Variants in OR4K17 observed in about 807,000 individuals in gnomAD.
OR4K17 encodes the protein olfactory receptor 4K17.
For missense variants in OR4K17, 480 were observed against 366.3 expected (o/e 1.31, Z -2.53); for synonymous variants, 157 against 132.8 (o/e 1.18, Z -1.25).
Position 20,117,585 on chromosome 14 carries a change from C to T in OR4K17, c.86C>T (p.Ala29Val). 1 of 1,613,918 alleles carries T rather than the reference C, an allele frequency of 6.2e-7. No individual in the cohort carries two copies. Among genetic ancestry groups the T allele is most frequent in the Non-Finnish European group, 8.5e-7 (1 of 1,179,940 alleles). The change falls in exon 2 of 2, where the codon GCC becomes GTC. Residue 29 changes from alanine (A) to valine (V), a missense_variant. Physicochemically the swap from Ala to Val is moderately conservative, Grantham distance 64. Coordinates refer to ENST00000641386, the MANE Select transcript of OR4K17 (RefSeq NM_001004715.5). ...CAGGATGTAGAGTTTCTTCTCTTTG[C>T]CCTCTTCTCGGTTATCTATGTGGTC... ...SSQDVEFLLF[A>V]LFSVIYVVTV...
chr14:20,120,484 C>G lies in OR4K17; in HGVS notation c.*2046C>G, dbSNP rs1878138288. 6.6e-6 allele frequency: 1 copy of G among 152,126 alleles called. No homozygotes were observed. Among genetic ancestry groups the G allele is most frequent in the Admixed American group, 6.6e-5 (1 of 15,262 alleles). The allele number at this position is 152,126 out of a possible 1,614,324, so 9.4% of individuals were successfully genotyped here. A position where few individuals can be genotyped will look rare whatever the true frequency, so the allele number is the denominator to read the frequency against. Reference sequence around the variant, plus strand: ...GGTAAATGAACTCTAGTCCTAGAACCAAGATGGTTTTCTTGTGTGACTGTG... The same window carrying G: ...GGTAAATGAACTCTAGTCCTAGAACGAAGATGGTTTTCTTGTGTGACTGTG... On this transcript the variant is annotated 3_prime_UTR_variant, in exon 2 of 2. Coordinates refer to ENST00000641386, the MANE Select transcript of OR4K17 (RefSeq NM_001004715.5).
intron 1 of OR4K17, among the ~76,000 whole-genome samples, chr14:20,113,712 C>G (rs1419873254): frequency 6.6e-6 from 1 of 151,938 alleles, no homozygotes; most frequent in Non-Finnish European, 1.5e-5. Flanking sequence ...TGTCTTCCAG[C>G]CAACCCTGCT....
At chr14:20,114,810 C>G (rs1877952616) in intron 1 of OR4K17, among the ~76,000 whole-genome samples, 1 of 152,088 alleles carries the variant, frequency 6.6e-6, no homozygotes, top group Non-Finnish European at 1.5e-5. Flanking sequence ...ATCACTATCA[C>G]AGCTATCTTT....
rs569582853 is a variant in OR4K17, at chr14:20,121,941, T to C, written c.*3503T>C. 78 of 152,252 alleles carry C rather than the reference T, an allele frequency of 5.1e-4. No individual in the cohort carries two copies. Among genetic ancestry groups the C allele is most frequent in the African/African-American group, 1.8e-3 (76 of 41,584 alleles). 9.4% of individuals were successfully genotyped at this position (152,252 alleles called of 1,614,324 possible). A position where few individuals can be genotyped will look rare whatever the true frequency, so the allele number is the denominator to read the frequency against. ...ACAACTATTTACATTTTATTTGATATTATAAGTTATCTAGAGTTGGTATAA... is the reference window on the plus strand; with the variant it reads ...ACAACTATTTACATTTTATTTGATACTATAAGTTATCTAGAGTTGGTATAA... On this transcript the variant is annotated 3_prime_UTR_variant, in exon 2 of 2. Coordinates refer to ENST00000641386, the MANE Select transcript of OR4K17 (RefSeq NM_001004715.5).
Position 20,118,521 on chromosome 14 carries a change from G to T in OR4K17, c.*83G>T, listed in dbSNP as rs897897331. On this transcript the variant is annotated 3_prime_UTR_variant, in exon 2 of 2. Coordinates refer to ENST00000641386, the MANE Select transcript of OR4K17 (RefSeq NM_001004715.5). ...TTTGGGAGGAATATCAGGGGAACCA[G>T]CCCCCAATATTTCAACATAGGTTCT... 1.7e-5 allele frequency: 13 copies of T among 747,116 alleles called. No individual in the cohort carries two copies. Among genetic ancestry groups the T allele is most frequent in the Non-Finnish European group, 2.6e-5 (12 of 461,620 alleles). 46.3% of individuals were successfully genotyped at this position (747,116 alleles called of 1,614,324 possible).
chr14:20,112,283 G>A (rs1388082423), intron 1 of OR4K17, among the ~76,000 whole-genome samples: 1 of 152,040 alleles, frequency 6.6e-6, no homozygotes, highest in Non-Finnish European at 1.5e-5. Context: ...GAATCTGACA[G>A]CACAGTCAAT....
In OR4K17 at chr14:20,117,674, A is replaced by G. The variant is rs777677316; in HGVS notation, c.175A>G (p.Met59Val). The change falls in exon 2 of 2, where the codon ATG (methionine) becomes GTG (valine). Residue 59 changes from methionine (M) to valine (V), a missense_variant. Coordinates refer to ENST00000641386, the MANE Select transcript of OR4K17 (RefSeq NM_001004715.5). Reference sequence around the variant, plus strand: ...TAACACCCCTAACCTGAATACTCCCATGTATTTTCTCCTTGGTAATCTCTC... The same window carrying G: ...TAACACCCCTAACCTGAATACTCCCGTGTATTTTCTCCTTGGTAATCTCTC... Reference protein sequence around the residue: ...VFNTPNLNTPMYFLLGNLSFV... With the variant: ...VFNTPNLNTPVYFLLGNLSFV... 6 of 1,613,864 alleles carry G rather than the reference A, an allele frequency of 3.7e-6. No individual in the cohort carries two copies. Among genetic ancestry groups the G allele is most frequent in the African/African-American group, 2.7e-5 (2 of 74,968 alleles).
chr14:20,116,296 C>T (rs1276337648), intron 1 of OR4K17, among the ~76,000 whole-genome samples: 2 of 152,086 alleles, frequency 1.3e-5, no homozygotes, highest in Non-Finnish European at 2.9e-5. Context: ...AATTATTCTG[C>T]TTCTTAATCA....
In OR4K17 at chr14:20,120,743, C is replaced by T. The variant is rs1294276266; in HGVS notation, c.*2305C>T. 6.6e-6 allele frequency: 1 copy of T among 152,322 alleles called. No individual in the cohort carries two copies. Among genetic ancestry groups the T allele is most frequent in the Non-Finnish European group, 1.5e-5 (1 of 68,138 alleles). 9.4% of individuals were successfully genotyped at this position (152,322 alleles called of 1,614,324 possible). On this transcript the variant is annotated 3_prime_UTR_variant, in exon 2 of 2. Transcript: ENST00000641386. Reference sequence around the variant, plus strand: ...CCTCCATTCATACCTGCGCTTATGGCTCCAGATCCATGGCTTCCCCTAGGG... The same window carrying T: ...CCTCCATTCATACCTGCGCTTATGGTTCCAGATCCATGGCTTCCCCTAGGG...
intron 1 of OR4K17, among the ~76,000 whole-genome samples, chr14:20,113,472 G>A (rs2139053250): frequency 6.6e-6 from 1 of 152,096 alleles, no homozygotes; most frequent in East Asian, 1.9e-4. Context: ...AGTAAGAATA[G>A]TAGCAATAAC....
rs1418552729 is a variant in OR4K17, at chr14:20,120,357, G to A, written c.*1919G>A. The stretch of plus-strand genomic sequence containing the variant: ...TAAGAATTCATGAAGATACCTTTAT[G>A]GTTGTTAATATTATAAAATCTCACT... On this transcript the variant is annotated 3_prime_UTR_variant, in exon 2 of 2. Coordinates refer to ENST00000641386, the MANE Select transcript of OR4K17 (RefSeq NM_001004715.5). 6.6e-6 allele frequency: 1 copy of A among 152,022 alleles called. No homozygotes were observed. Among genetic ancestry groups the A allele is most frequent in the East Asian group, 1.9e-4 (1 of 5,194 alleles). The allele number at this position is 152,022 out of a possible 1,614,324, so 9.4% of individuals were successfully genotyped here.
chr14:20,117,437 G>C (rs767095346), intron 1 of OR4K17, 31 bp from the exon 2 acceptor site: 1 of 1,609,360 alleles, frequency 6.2e-7, no homozygotes, highest in Admixed American at 1.7e-5. Flanking sequence ...CATACTCCAT[G>C]GTATGAGTGA....
rs532967200 is a variant in OR4K17 at position 20,118,222 on chromosome 14, T to C, written c.723T>C (p.Thr241=). Residue 241 remains threonine, a synonymous_variant, in exon 2 of 2, where the codon ACT becomes ACC. Coordinates refer to ENST00000641386, the MANE Select transcript of OR4K17 (RefSeq NM_001004715.5). ...AATCTAAAGCCCGTTCCACTTTGACTGCTCACATCACAGTGGTGATTCTCT... is the reference window on the plus strand; with the variant it reads ...AATCTAAAGCCCGTTCCACTTTGACCGCTCACATCACAGTGGTGATTCTCT... ...TGQSKARSTL[T]AHITVVILFF... is the part of the protein sequence containing the mutation. The C allele has an allele frequency of 1.5e-4, 239 of 1,613,398 alleles. No individual in the cohort carries two copies. The South Asian group carries it at 2.5e-3, about 17-fold the overall frequency.
Position 20,117,707 on chromosome 14 carries a change from G to T in OR4K17, c.208G>T (p.Asp70Tyr). The change falls in exon 2 of 2, where the codon GAT becomes TAT. Residue 70 changes from aspartate to tyrosine, a missense_variant. By Grantham distance (160) the Asp-to-Tyr change is radical (BLOSUM62 -3). Transcript: ENST00000641386. ...TCTCCTTGGTAATCTCTCTTTTGTA[G>T]ATATGACCCTTGCTTCTTTTGCCAC... is the stretch of plus-strand genomic sequence containing the variant. ...YFLLGNLSFVDMTLASFATPK... is the reference protein window; with the variant it reads ...YFLLGNLSFVYMTLASFATPK... 6.2e-7 allele frequency: 1 copy of T among 1,613,970 alleles called. No homozygotes were observed. Among genetic ancestry groups the T allele is most frequent in the Non-Finnish European group, 8.5e-7 (1 of 1,179,954 alleles).
intron 1 of OR4K17, among the ~76,000 whole-genome samples, chr14:20,114,777 A>C (rs532708481): frequency 4.4e-4 from 67 of 152,196 alleles, no homozygotes; most frequent in Non-Finnish European, 3.1e-4. Context: ...CTGATCAGTT[A>C]GTGAGAACTG....
At chr14:20,117,437 G>T (rs767095346) in intron 1 of OR4K17, 31 bp from the exon 2 acceptor site, 1 of 1,609,360 alleles carries the variant, frequency 6.2e-7, no homozygotes, top group Admixed American at 1.7e-5. Context: ...CATACTCCAT[G>T]GTATGAGTGA....
rs760762521 is a variant in OR4K17, at chr14:20,117,731, A to G, written c.232A>G (p.Thr78Ala). Reference protein sequence around the residue: ...FVDMTLASFATPKVILNLLKK... With the variant: ...FVDMTLASFAAPKVILNLLKK... The stretch of plus-strand genomic sequence containing the variant: ...AGATATGACCCTTGCTTCTTTTGCC[A>G]CCCCTAAGGTGATTCTGAACTTGTT... Residue 78 changes from threonine (T) to alanine (A), a missense_variant, in exon 2 of 2, where the codon ACC (threonine) becomes GCC (alanine). Transcript: ENST00000641386. The G allele has an allele frequency of 8.7e-6, 14 of 1,613,920 alleles. No individual in the cohort carries two copies. The highest frequency in any genetic ancestry group is 3.3e-5 in the Admixed American group (2 of 59,992).
At chr14:20,117,211 T>A (rs1459513370) in intron 1 of OR4K17, among the ~76,000 whole-genome samples, 2 of 152,188 alleles carry the variant, frequency 1.3e-5, no homozygotes, top group East Asian at 3.8e-4. Flanking sequence ...TTTTGTCCTA[T>A]GAAGATACAC....
At chr14:20,115,976 A>G in intron 1 of OR4K17, among the ~76,000 whole-genome samples, 1 of 152,150 alleles carries the variant, frequency 6.6e-6, no homozygotes, top group East Asian at 1.9e-4. Flanking sequence ...AAGTAATAAA[A>G]CTCTGAAATG....
Sources: gnomAD v4.1 joint callset for allele counts (sites outside exome capture counted in the v4.1 genomes callset) on GRCh38, gnomAD v4.1.1 for gene constraint, MANE v1.5 for transcripts, NCBI Gene and HGNC (gene_info 2026-07-23, HGNC 2026-07-21) for gene names.